The following SMARCA2 variants were observed in gnomAD, a reference collection of about 807,000 sequenced individuals.
SMARCA2 encodes SWI/SNF-related matrix-associated actin-dependent regulator of chromatin subfamily A member 2.
SMARCA2 carries 61 observed loss-of-function variants against 199.8 expected under a neutral mutation model. The ratio of observed to expected loss-of-function variants is 0.31; its 90% confidence interval spans 0.25 to 0.38. The LOEUF (loss-of-function observed/expected upper bound fraction) is 0.38, where lower values mean the gene tolerates loss of function less well. Among genes scored for constraint, SMARCA2 ranks in the 10% least tolerant of loss-of-function variants. SMARCA2 has a pLI of 1.00. For missense variants in SMARCA2, 1,344 were observed against 2,012.2 expected, an observed-to-expected ratio of 0.67 and a Z score of 6.35; for synonymous variants, 935 against 732.0, an observed-to-expected ratio of 1.28 and a Z score of -4.48.
chr9:2,058,407 AAG>A lies in SMARCA2; in HGVS notation c.1469_1470del (p.Glu490AlafsTer9). On this transcript the variant is annotated frameshift_variant, in exon 8 of 34. Transcript: ENST00000349721. LOFTEE classifies it high-confidence loss of function. ...TGGCAACTTGGCATGCCAACACTGA[AAG>A]AGAGCAGAAGAAGGAGACAGAGCGG... ...AVATWHANTEREQKKETERIE... is the reference protein window; with the variant it reads ...AVATWHANTEXEQKKETERIE... 6.2e-7 allele frequency: 1 copy of A among 1,614,226 alleles called. No individual in the cohort carries two copies. Among genetic ancestry groups the A allele is most frequent in the South Asian group, 1.1e-5 (1 of 91,088 alleles).
intron 28 of SMARCA2, among the ~76,000 whole-genome samples, chr9:2,165,006 G>C (rs932701867): frequency 6.6e-6 from 1 of 152,178 alleles, no homozygotes; most frequent in African/African-American, 2.4e-5. Flanking sequence ...CAAATTAGGA[G>C]AGCCTTAATT....
At chr9:2,061,179 C>T (rs548206877) in intron 9 of SMARCA2, among the ~76,000 whole-genome samples, 193 bp downstream of exon 9, 1 of 151,980 alleles carries the variant, frequency 6.6e-6, no homozygotes, top group South Asian at 2.1e-4. Context: ...GAGGTAAGGG[C>T]ATAATAATGG....
chr9:2,040,309 C>T (rs576251564), intron 4 of SMARCA2: 1 of 303,448 alleles, frequency 3.3e-6, no homozygotes, highest in Non-Finnish European at 6.0e-6. Flanking sequence ...TTGTTTATTT[C>T]TATCCCTTTT....
At chr9:2,141,638 A>AAAGATCT (rs1491512615) in intron 27 of SMARCA2, among the ~76,000 whole-genome samples, 2 of 152,074 alleles carry the variant, frequency 1.3e-5, no homozygotes, top group African/African-American at 4.8e-5. Context: ...AACTGAGAAC[A>AAAGATCT]AAGATCTTCA....
intron 3 of SMARCA2, among the ~76,000 whole-genome samples, chr9:2,038,770 G>T (rs913979620): frequency 9.2e-5 from 14 of 151,918 alleles, no homozygotes; most frequent in African/African-American, 2.9e-4. Flanking sequence ...CCTTAAATAA[G>T]ACTCTGCTAC....
intron 23 of SMARCA2, among the ~76,000 whole-genome samples, chr9:2,106,864 A>C (rs1822776048): frequency 6.6e-6 from 1 of 152,242 alleles, no homozygotes; most frequent in African/African-American, 2.4e-5. Flanking sequence ...AACTAAGTTA[A>C]AATTAGTCAT....
chr9:2,083,037 A>G (rs1821635937), intron 15 of SMARCA2, among the ~76,000 whole-genome samples: 1 of 152,156 alleles, frequency 6.6e-6, no homozygotes, highest in South Asian at 2.1e-4. Context: ...GAAGATTCCT[A>G]AAATCATTCT....
intron 19 of SMARCA2, among the ~76,000 whole-genome samples, chr9:2,089,841 G>A (rs10811409): frequency 0.093 from 14,120 of 152,074 alleles, 801 homozygotes; most frequent in Middle Eastern, 0.16. Context: ...TACAGTTACG[G>A]TGATTCTGCA....
chr9:2,072,966 G>C, intron 10 of SMARCA2: 2 of 460,680 alleles, frequency 4.3e-6, no homozygotes, highest in Non-Finnish European at 7.8e-6. Flanking sequence ...CACAACCTTG[G>C]TGATGTATCT....
intron 11 of SMARCA2, 106 bp downstream of exon 11, chr9:2,073,448 A>G: frequency 6.6e-7 from 1 of 1,507,642 alleles, no homozygotes; most frequent in South Asian, 1.2e-5. Context: ...GAGATGGTTG[A>G]AGTTGTTACT....
At chr9:2,129,096 G>A (rs768153355) in intron 27 of SMARCA2, among the ~76,000 whole-genome samples, 1 of 152,152 alleles carries the variant, frequency 6.6e-6, no homozygotes, top group Non-Finnish European at 1.5e-5. Context: ...CATTAGCAAC[G>A]GATTCGGATT....
intron 27 of SMARCA2, among the ~76,000 whole-genome samples, chr9:2,136,154 T>G (rs1368661969): frequency 1.3e-5 from 2 of 151,762 alleles, no homozygotes; most frequent in Non-Finnish European, 2.9e-5. Flanking sequence ...TTACTTTTTA[T>G]TGTGGTTTTT....
intron 29 of SMARCA2, among the ~76,000 whole-genome samples, chr9:2,178,354 C>T (rs966299136): frequency 6.6e-6 from 1 of 152,178 alleles, no homozygotes; most frequent in Non-Finnish European, 1.5e-5. Flanking sequence ...CATCCGATGT[C>T]ACAGGCCATC....
In SMARCA2 at chr9:2,041,549, A is replaced by G. The variant is rs1206030916; in HGVS notation, c.790+1649A>G. On this transcript the variant is annotated intron_variant, in intron 4 of 33. Coordinates refer to ENST00000349721, the MANE Select transcript of SMARCA2 (RefSeq NM_003070.5). ...CCTCCCAAAGACCCCACCTTCTAAT[A>G]CCATCTCCCTGGGAATTAGGATTTT... The G allele has an allele frequency of 1.3e-5, 5 of 396,484 alleles. No homozygotes were observed. In the East Asian group the frequency reaches 1.4e-4, roughly 11 times the overall value. The allele number at this position is 396,484 out of a possible 1,614,324, so 24.6% of individuals were successfully genotyped here.
At chr9:2,174,026 CTTAT>C (rs1213384809) in intron 29 of SMARCA2, among the ~76,000 whole-genome samples, 1 of 152,176 alleles carries the variant, frequency 6.6e-6, no homozygotes, top group African/African-American at 2.4e-5. Flanking sequence ...TGACTCGATA[CTTAT>C]TTATGGTGCT....
chr9:2,058,192 A>G, intron 7 of SMARCA2, 99 bp from the exon 8 acceptor site: 1 of 1,028,962 alleles, frequency 9.7e-7, no homozygotes, highest in Non-Finnish European at 1.5e-6. Context: ...CTATGCTGTT[A>G]AACACACACT....
At chr9:2,188,172 C>T (rs1401270995) in intron 32 of SMARCA2, among the ~76,000 whole-genome samples, 3 of 152,012 alleles carry the variant, frequency 2.0e-5, no homozygotes, top group African/African-American at 7.3e-5. Context: ...GGTTTTTCTA[C>T]AGCAACATAT....
chr9:2,082,136 G>A, intron 15 of SMARCA2, 141 bp downstream of exon 15: 1 of 729,210 alleles, frequency 1.4e-6, no homozygotes, highest in South Asian at 2.1e-5. Flanking sequence ...ATGTAATCTG[G>A]ATTTAGGTTT....
In SMARCA2 at chr9:2,099,979, C is replaced by T. The variant is rs1175773986; in HGVS notation, c.3079-1591C>T. ...ATGGAGTTGAGGTATTGGCCACAGT[C>T]CATCCTGTTAATTTTGCCACAGGGC... On this transcript the variant is annotated intron_variant, in intron 21 of 33. Transcript: ENST00000349721. Among the ~76,000 whole-genome samples, 3 of 152,126 alleles carry T rather than the reference C, an allele frequency of 2.0e-5. No individual in the cohort carries two copies. In the East Asian group the frequency reaches 5.8e-4, roughly 29 times the overall value.
Sources: allele counts gnomAD v4.1 joint callset (sites outside exome capture counted in the v4.1 genomes callset), GRCh38; gene constraint gnomAD v4.1.1; transcripts MANE v1.5; gene names NCBI Gene and HGNC (gene_info 2026-07-23, HGNC 2026-07-21).